DEAF1: variants seen among roughly 807,000 people sequenced by gnomAD.
The protein encoded by DEAF1 is deformed epidermal autoregulatory factor 1 homolog.
DEAF1 carries 53 observed loss-of-function variants against 58.9 expected under a neutral mutation model. The ratio of observed to expected loss-of-function variants is 0.90; its 90% CI spans 0.72 to 1.13. The LOEUF (loss-of-function observed/expected upper bound fraction) is 1.13. Among genes scored for constraint, DEAF1 ranks in the 50% most tolerant of loss-of-function variants. The probability of loss-of-function intolerance (pLI) is 0.00; values close to 1 mark genes in which losing one functional copy is unlikely to be tolerated. For synonymous variants in DEAF1, 385 were observed against 340.4 expected (o/e 1.13, Z -1.44); for missense variants, 685 against 791.4 (o/e 0.87, Z 1.61).
At chr11:652,647 A>AGAGAAGGAGGGCAGAAGG (rs1858831287) in intron 11 of DEAF1, among the ~76,000 whole-genome samples, 2 of 151,954 alleles carry the variant, frequency 1.3e-5, no homozygotes, top group African/African-American at 4.8e-5. Flanking sequence ...AAAAGAAAAT[A>AGAGAAGGAGGGCAGAAGG]GAGAAGGAGG....
intron 8 of DEAF1, among the ~76,000 whole-genome samples, chr11:679,428 A>C (rs905689544): frequency 6.6e-6 from 1 of 152,220 alleles, no homozygotes; most frequent in Non-Finnish European, 1.5e-5. Context: ...AGTCAAAAGC[A>C]GGAGCCGGCA....
At chr11:661,614 G>A (rs1302146826) in intron 10 of DEAF1, among the ~76,000 whole-genome samples, 4 of 152,152 alleles carry the variant, frequency 2.6e-5, no homozygotes. Flanking sequence ...GGAGGCTGAG[G>A]CAGAAGAATC....
rs1451846797 is a variant in DEAF1 at position 644,491 on chromosome 11, C to G, written c.*59G>C. ...CCAGAGTCCTCAGGGGGGCCTTCGA[C>G]CTGCAAAAGCCTCACAGGAGTGCGA... On this transcript the variant is annotated 3_prime_UTR_variant, in exon 12 of 12. Coordinates refer to ENST00000382409, the MANE Select transcript of DEAF1 (RefSeq NM_021008.4). The surrounding 1 kb of genome is among the most constrained non-coding windows in gnomAD (Gnocchi z 4.3). 7.1e-7 allele frequency: 1 copy of G among 1,399,180 alleles called. No individual in the cohort carries two copies. Among genetic ancestry groups the G allele is most frequent in the Non-Finnish European group, 1.0e-6 (1 of 998,960 alleles). The allele number at this position is 1,399,180 out of a possible 1,614,324, so 86.7% of individuals were successfully genotyped here.
At chr11:656,089 C>A (rs1859040374) in intron 10 of DEAF1, among the ~76,000 whole-genome samples, 1 of 151,956 alleles carries the variant, frequency 6.6e-6, no homozygotes, top group African/African-American at 2.4e-5. Flanking sequence ...CTGAGTCGGC[C>A]CCCCAAAGTG....
chr11:698,732 G>A (rs1266341183), upstream of DEAF1: 30 of 998,836 alleles, frequency 3.0e-5, 1 homozygote, highest in South Asian at 1.6e-4. Flanking sequence ...GCAGGCCCAC[G>A]GTATATGTTT....
intron 6 of DEAF1, 140 bp from the exon 7 acceptor site, chr11:681,229 G>T: frequency 8.4e-7 from 1 of 1,193,820 alleles, no homozygotes. Flanking sequence ...CGCCCCTAAA[G>T]ATCCCACCTC....
Position 691,733 on chromosome 11 carries a change from T to TC in DEAF1, c.290-136dup, listed in dbSNP as rs146220975. Reference sequence around the variant, plus strand: ...TTGTAACCAGGAAGATCTTAACACTTCCATGAACACGCTCGACCTACATTT... The same window carrying TC: ...TTGTAACCAGGAAGATCTTAACACTTCCCATGAACACGCTCGACCTACATTT... On this transcript the variant is annotated intron_variant, in intron 1 of 11. Coordinates refer to ENST00000382409, the MANE Select transcript of DEAF1 (RefSeq NM_021008.4). 328 of 733,466 alleles carry TC rather than the reference T, an allele frequency of 4.5e-4. 2 individuals are homozygous for TC. The African/African-American group carries it at 5.1e-3, about 11-fold the overall frequency. The allele number at this position is 733,466 out of a possible 1,614,324, so 45.4% of individuals were successfully genotyped here. A position where few individuals can be genotyped will look rare whatever the true frequency, so the allele number is the denominator to read the frequency against.
chr11:691,987 G>A (rs1172022425), intron 1 of DEAF1, among the ~76,000 whole-genome samples: 1 of 152,022 alleles, frequency 6.6e-6, no homozygotes, highest in African/African-American at 2.4e-5. Flanking sequence ...CGGCCTCCCC[G>A]CAGGTGAGGA....
chr11:700,856 C>T (rs568199486), intron 1 of DEAF1: 79 of 752,838 alleles, frequency 1.0e-4, no homozygotes, highest in Middle Eastern at 8.8e-4. Flanking sequence ...GCTCACCTTA[C>T]AGTGTCATTA....
upstream of DEAF1, chr11:697,343 G>A (rs1440862732): frequency 1.3e-5 from 2 of 152,312 alleles, no homozygotes; most frequent in African/African-American, 4.8e-5. Flanking sequence ...TCACTTCCAT[G>A]TTTAACTTCT....
chr11:698,188 C>T (rs80284036), upstream of DEAF1, among the ~76,000 whole-genome samples: 69 of 152,230 alleles, frequency 4.5e-4, no homozygotes, highest in African/African-American at 1.5e-3. Flanking sequence ...ACAATTAGTC[C>T]GCTCCAGGTC....
intron 8 of DEAF1, 151 bp downstream of exon 8, chr11:679,537 G>T: frequency 8.3e-7 from 1 of 1,203,096 alleles, no homozygotes; most frequent in Non-Finnish European, 1.2e-6. Flanking sequence ...CACCTGACGT[G>T]GCTCACACGC....
Position 694,856 on chromosome 11 carries a change from C to G in DEAF1, c.192G>C (p.Thr64=). 4 of 1,495,698 alleles carry G rather than the reference C, an allele frequency of 2.7e-6. No homozygotes were observed. Among genetic ancestry groups the G allele is most frequent in the East Asian group, 5.7e-5 (2 of 35,376 alleles). The allele number at this position is 1,495,698 out of a possible 1,614,324, so 92.7% of individuals were successfully genotyped here. A position where few individuals can be genotyped will look rare whatever the true frequency, so the allele number is the denominator to read the frequency against. The part of the protein sequence containing the change: ...SEAERETPRV[T]AVAVMAAEPG... The stretch of plus-strand genomic sequence containing the variant: ...GCTCCGCCGCCATCACCGCCACTGC[C>G]GTGACCCGCGGCGTCTCCCGCTCCG... Residue 64 remains threonine (T), a synonymous_variant, in exon 1 of 12, where the codon ACG becomes ACC. Coordinates refer to ENST00000382409, the MANE Select transcript of DEAF1 (RefSeq NM_021008.4).
chr11:704,577 G>C, intron 1 of DEAF1: 1 of 1,287,000 alleles, frequency 7.8e-7, no homozygotes, highest in Non-Finnish European at 1.0e-6. Flanking sequence ...GGAGGACCCA[G>C]CCCACAAACC....
chr11:679,930 G>T, intron 7 of DEAF1, 114 bp from the exon 8 acceptor site: 1 of 1,421,498 alleles, frequency 7.0e-7, no homozygotes, highest in Non-Finnish European at 9.7e-7. Context: ...AGGGCGGGCA[G>T]TGGTAACTGT....
At chr11:692,770 T>G (rs1323596186) in intron 1 of DEAF1, among the ~76,000 whole-genome samples, 2 of 151,910 alleles carry the variant, frequency 1.3e-5, no homozygotes, top group Non-Finnish European at 2.9e-5. Context: ...GAGAATCACT[T>G]GAACCCGGGA....
At chr11:683,710 T>C (rs960533111) in intron 6 of DEAF1, among the ~76,000 whole-genome samples, 1 of 152,236 alleles carries the variant, frequency 6.6e-6, no homozygotes, top group Non-Finnish European at 1.5e-5. Flanking sequence ...ACGAATCAAC[T>C]TGGGAAAAAG....
In DEAF1 at chr11:648,792, A is replaced by G. The variant is rs532557876; in HGVS notation, c.1594-4138T>C. Among the ~76,000 whole-genome samples the G allele has an allele frequency of 2.6e-5, 4 of 152,342 alleles. No homozygotes were observed. In the South Asian group the frequency reaches 8.3e-4, roughly 32 times the overall value. ...GTAAGAAAATAACAACTTTAAAGAT[A>G]CTGTTTAAAAATGTTCAACAAAAGA... On this transcript the variant is annotated intron_variant, in intron 11 of 11. Transcript: ENST00000382409.
At chr11:662,015 G>T (rs1008370136) in intron 10 of DEAF1, among the ~76,000 whole-genome samples, 1 of 152,072 alleles carries the variant, frequency 6.6e-6, no homozygotes, top group Admixed American at 6.5e-5. Context: ...AAACATTATG[G>T]GCCGGGCGCG....
Sources: allele counts gnomAD v4.1 joint callset (sites outside exome capture counted in the v4.1 genomes callset), GRCh38; gene constraint gnomAD v4.1.1; non-coding constraint Gnocchi (gnomAD v3.1); transcripts MANE v1.5; gene names NCBI Gene and HGNC (gene_info 2026-07-23, HGNC 2026-07-21).